UBP1: variants seen among roughly 807,000 people sequenced by gnomAD.
The protein encoded by UBP1 is upstream binding protein 1.
A neutral mutation model predicts 76.1 loss-of-function variants in UBP1; 22 were observed. The ratio of observed to expected loss-of-function variants is 0.29; its 90% CI spans 0.21 to 0.41. The LOEUF (loss-of-function observed/expected upper bound fraction) is 0.41, where lower values mean the gene tolerates loss of function less well. UBP1 is among the 10% of genes least tolerant of loss of function. The pLI is 1.00. For synonymous variants in UBP1, 224 were observed against 237.1 expected (o/e 0.94, Z 0.51); for missense variants, 436 against 668.1 (o/e 0.65, Z 3.83).
At chr3:33,439,302 T>C (rs1222604402) in intron 1 of UBP1, among the ~76,000 whole-genome samples, 3 of 152,192 alleles carry the variant, frequency 2.0e-5, no homozygotes, top group African/African-American at 7.2e-5. Flanking sequence ...CCAGAAAAGA[T>C]CATAATGTAG....
intron 15 of UBP1, 63 bp from the exon 16 acceptor site, chr3:33,390,431 GA>G (rs1240017571): frequency 1.9e-6 from 3 of 1,577,042 alleles, no homozygotes; most frequent in Non-Finnish European, 2.6e-6. Context: ...CTATTAAATG[GA>G]AAACTCCCTG....
At chr3:33,393,903 A>G (rs1202997870) in intron 13 of UBP1, among the ~76,000 whole-genome samples, 1 of 152,220 alleles carries the variant, frequency 6.6e-6, no homozygotes, top group Non-Finnish European at 1.5e-5. Context: ...TATACTTACA[A>G]TGGGAGGACT....
chr3:33,411,502 G>A (rs1439791960), intron 5 of UBP1, 79 bp downstream of exon 5: 1 of 1,190,804 alleles, frequency 8.4e-7, no homozygotes, highest in African/African-American at 1.5e-5. Context: ...TAAAGGAAAT[G>A]ATACTGTATC....
At chr3:33,391,195 A>G (rs948473291) in intron 15 of UBP1, 5 of 152,360 alleles carry the variant, frequency 3.3e-5, no homozygotes, top group Middle Eastern at 3.4e-3. Flanking sequence ...GAGGCGCAAA[A>G]TAAAATCAGT....
intron 1 of UBP1, among the ~76,000 whole-genome samples, chr3:33,434,713 A>C (rs1171325597): frequency 3.3e-5 from 3 of 91,160 alleles, no homozygotes; most frequent in Non-Finnish European, 4.0e-5. Flanking sequence ...TTTGAGATGG[A>C]GTCTCTCTCT....
At chr3:33,411,021 C>T (rs890467649) in intron 5 of UBP1, among the ~76,000 whole-genome samples, 3 of 147,534 alleles carry the variant, frequency 2.0e-5, no homozygotes, top group African/African-American at 5.0e-5. Context: ...TGCAGTGAGC[C>T]GAGATCATGC....
rs150773769 is a variant in UBP1 at position 33,397,292 on chromosome 3, T to C, written c.1181-157A>G. ...CAATATAAGAAGACAAACAGACACC[T>C]GTCCTTCAGAGCCAAGGAAAATGCT... On this transcript the variant is annotated intron_variant, in intron 11 of 15. Transcript: ENST00000283629. The C allele has an allele frequency of 1.9e-5, 10 of 519,068 alleles. 1 individual carries two copies. The highest frequency in any genetic ancestry group is 1.4e-4 in the African/African-American group (7 of 50,806). 32.2% of individuals were successfully genotyped at this position (519,068 alleles called of 1,614,324 possible).
rs768115888 is a variant in UBP1, at chr3:33,439,850, T to C, written c.-2A>G. 2.5e-6 allele frequency: 4 copies of C among 1,611,110 alleles called. No homozygotes were observed. The highest frequency in any genetic ancestry group is 2.2e-5 in the South Asian group (2 of 90,730). On this transcript the variant is annotated 5_prime_UTR_variant, in exon 1 of 16. Coordinates refer to ENST00000283629, the MANE Select transcript of UBP1 (RefSeq NM_014517.5). ...GTCCATCTTGAGCACCCAGGCCATCTTCCGGCCTCGCCGTCGCCCCGCACA... is the reference window on the plus strand; with the variant it reads ...GTCCATCTTGAGCACCCAGGCCATCCTCCGGCCTCGCCGTCGCCCCGCACA...
At chr3:33,396,469 C>A in intron 12 of UBP1, 189 bp from the exon 13 acceptor site, 1 of 511,002 alleles carries the variant, frequency 2.0e-6, no homozygotes, top group East Asian at 3.1e-5. Context: ...CACAGGTGGT[C>A]TAATATGATG....
In UBP1 at chr3:33,420,645, C is replaced by T. The variant is rs531551713; in HGVS notation, c.266-3811G>A. On this transcript the variant is annotated intron_variant, in intron 2 of 15. Transcript: ENST00000283629. ...CTGGGACTACAGGCACATGCCAGTA[C>T]GCCCAGCTAATTTTTGTATTTTTAG... is the stretch of plus-strand genomic sequence containing the variant. Among the ~76,000 whole-genome samples the T allele has an allele frequency of 6.4e-4, 98 of 152,242 alleles. 2 individuals carry two copies. The highest frequency in any genetic ancestry group is 1.6e-3 in the African/African-American group (67 of 41,542).
intron 3 of UBP1, chr3:33,414,306 A>G (rs551237946): frequency 6.6e-6 from 1 of 152,250 alleles, no homozygotes; most frequent in Admixed American, 6.5e-5. Context: ...GGAGAGAGGA[A>G]AGGAACTTCT....
intron 1 of UBP1, among the ~76,000 whole-genome samples, chr3:33,435,538 T>C (rs1401377992): frequency 6.6e-6 from 1 of 152,126 alleles, no homozygotes; most frequent in African/African-American, 2.4e-5. Context: ...ACTCTGTGGC[T>C]CAGGTGAGAA....
chr3:33,417,422 C>G (rs1287021766), intron 2 of UBP1, among the ~76,000 whole-genome samples: 1 of 152,092 alleles, frequency 6.6e-6, no homozygotes, highest in African/African-American at 2.4e-5. Context: ...TTAAACTTAG[C>G]ATAATGTTTT....
At chr3:33,394,975 T>C (rs2043918427) in intron 13 of UBP1, among the ~76,000 whole-genome samples, 1 of 152,078 alleles carries the variant, frequency 6.6e-6, no homozygotes, top group Non-Finnish European at 1.5e-5. Context: ...ACCTGACCTT[T>C]TACAGAAAAA....
intron 1 of UBP1, among the ~76,000 whole-genome samples, chr3:33,428,181 C>CAAAAA (rs59049122): frequency 1.1e-3 from 60 of 57,142 alleles, no homozygotes; most frequent in Middle Eastern, 0.013. Flanking sequence ...GATTCCATCT[C>CAAAAA]AAAAAAAAAA....
In UBP1 at chr3:33,400,251, G is replaced by A. The variant is rs755927335; in HGVS notation, c.1118C>T (p.Thr373Ile). 6 of 1,600,952 alleles carry A rather than the reference G, an allele frequency of 3.7e-6. No homozygotes were observed. The highest frequency in any genetic ancestry group is 1.8e-5 in the Admixed American group (1 of 56,244). ...QIQPSATIQETQQWLLKNRFS... is the reference protein window; with the variant it reads ...QIQPSATIQEIQQWLLKNRFS... ...TCTGTTTTTGAGCAGCCATTGCTGTGTTTCCTGGATCGTAGCTGAAGGCTG... is the reference window on the plus strand; with the variant it reads ...TCTGTTTTTGAGCAGCCATTGCTGTATTTCCTGGATCGTAGCTGAAGGCTG... Residue 373 changes from threonine (T) to isoleucine (I), a missense_variant, in exon 11 of 16, where the codon ACA becomes ATA. By Grantham distance (89) the Thr-to-Ile change is moderately conservative. This residue lies in a region of UBP1 where 210 missense variants were observed against 272.8 expected (regional missense o/e 0.77). Coordinates refer to ENST00000283629, the MANE Select transcript of UBP1 (RefSeq NM_014517.5).
intron 1 of UBP1, 103 bp from the exon 2 acceptor site, chr3:33,425,844 G>T: frequency 9.3e-7 from 1 of 1,078,954 alleles, no homozygotes; most frequent in Non-Finnish European, 1.2e-6. Context: ...ATATTTAAAA[G>T]CATATAAACA....
chr3:33,410,099 T>C (rs1047878048), intron 5 of UBP1, among the ~76,000 whole-genome samples: 1 of 152,238 alleles, frequency 6.6e-6, no homozygotes, highest in African/African-American at 2.4e-5. Flanking sequence ...GGGGAAATTT[T>C]ACAGTCCAGA....
intron 8 of UBP1, among the ~76,000 whole-genome samples, chr3:33,405,921 T>C (rs1419260101): frequency 2.6e-5 from 4 of 152,090 alleles, no homozygotes; most frequent in Admixed American, 2.0e-4. Context: ...AATGGATACA[T>C]GGAAAATAAT....
Sources: gnomAD v4.1 joint callset for allele counts (sites outside exome capture counted in the v4.1 genomes callset) on GRCh38, gnomAD v4.1.1 for gene constraint, gnomAD v4.1.1 regional missense constraint, MANE v1.5 for transcripts, NCBI Gene and HGNC (gene_info 2026-07-23, HGNC 2026-07-21) for gene names.